PPARGC1B: variants seen among roughly 807,000 people sequenced by gnomAD.
PPARGC1B encodes PPARG coactivator 1 beta.
In PPARGC1B, 34 loss-of-function variants were observed where a neutral mutation model predicts 101.6. That is an observed-to-expected ratio of 0.33 (90% confidence interval 0.25 to 0.45). PPARGC1B has a LOEUF of 0.45. Ranked by LOEUF, PPARGC1B falls within the 20% of genes least tolerant of loss-of-function variation. The pLI is 1.00. For missense variants in PPARGC1B, 1,234 were observed against 1,317.6 expected (o/e 0.94, Z 0.98); for synonymous variants, 548 against 539.3 (o/e 1.02, Z -0.22).
In PPARGC1B at chr5:149,849,050, A is replaced by G. The variant is rs1318294147; in HGVS notation, c.*1492A>G. The G allele has an allele frequency of 6.6e-6, 1 of 151,980 alleles. No individual in the cohort carries two copies. Among genetic ancestry groups the G allele is most frequent in the East Asian group, 1.9e-4 (1 of 5,184 alleles). 9.4% of individuals were successfully genotyped at this position (151,980 alleles called of 1,614,324 possible). ...GCATGGCCAGGCAGGGTATGAGTACATTGTTTCTGATTTCTTTCATACATC... is the reference window on the plus strand; with the variant it reads ...GCATGGCCAGGCAGGGTATGAGTACGTTGTTTCTGATTTCTTTCATACATC... On this transcript the variant is annotated 3_prime_UTR_variant, in exon 12 of 12. Transcript: ENST00000309241.
Position 149,836,411 on chromosome 5 carries a change from C to T in PPARGC1B, c.1956C>T (p.His652=). 6.2e-7 allele frequency: 1 copy of T among 1,614,178 alleles called. No individual in the cohort carries two copies. Among genetic ancestry groups the T allele is most frequent in the Non-Finnish European group, 8.5e-7 (1 of 1,180,034 alleles). ...TCAAGGCCACCCCAGGGGCTGCCCA[C>T]AAGCTGCCAAAGAAGCACCCAGAGC... ...LSLKATPGAA[H]KLPKKHPERS... Residue 652 remains histidine, a synonymous_variant, in exon 8 of 12, where the codon CAC becomes CAT. Transcript: ENST00000309241.
Position 149,840,038 on chromosome 5 carries a change from C to A in PPARGC1B, c.2619-3C>A. ...TGCCTCTGCTTTGCTTGTTCACTGA[C>A]AGATGTGAGAGCAGAGGGCCGTGTT... On this transcript the variant is annotated splice_polypyrimidine_tract_variant and splice_region_variant and intron_variant, in intron 8 of 11. Transcript: ENST00000309241. 6.2e-7 allele frequency: 1 copy of A among 1,614,114 alleles called. No individual in the cohort carries two copies. The highest frequency in any genetic ancestry group is 8.5e-7 in the Non-Finnish European group (1 of 1,180,000).
In PPARGC1B at chr5:149,833,240, C is replaced by T; in HGVS notation, c.1167C>T (p.Ser389=). The change falls in exon 5 of 12, where the codon TCC becomes TCT. Residue 389 remains serine (S), a synonymous_variant. Transcript: ENST00000309241. This position sits in a 1 kb window ranked among gnomAD's most constrained non-coding sequence, Gnocchi z 4.1. ...KDSQASPGRP[S]SVEEVRIAAS... is the part of the protein sequence containing the mutation. ...GTCAGGCCTCCCCTGGTCGCCCGTC[C>T]TCGGTGGAGGAGGTAAGGATCGCAG... The T allele has an allele frequency of 6.2e-7, 1 of 1,613,372 alleles. No individual in the cohort carries two copies. Among genetic ancestry groups the T allele is most frequent in the South Asian group, 1.1e-5 (1 of 91,076 alleles).
At chr5:149,844,207 A>G (rs1206808296) in intron 10 of PPARGC1B, among the ~76,000 whole-genome samples, 3 of 152,244 alleles carry the variant, frequency 2.0e-5, no homozygotes, top group Admixed American at 1.3e-4. Flanking sequence ...AGTTCTGTGC[A>G]GTTTTCAAGC....
At chr5:149,747,676 T>C (rs1487830913) in intron 1 of PPARGC1B, among the ~76,000 whole-genome samples, 1 of 152,226 alleles carries the variant, frequency 6.6e-6, no homozygotes, top group Non-Finnish European at 1.5e-5. Context: ...GCCTCCAGCC[T>C]ACTCCAGCAC....
chr5:149,751,503 C>T (rs1410406232), intron 1 of PPARGC1B, among the ~76,000 whole-genome samples: 1 of 152,164 alleles, frequency 6.6e-6, no homozygotes, highest in East Asian at 1.9e-4. Context: ...GTCAGGAGTT[C>T]AAGACCAGCC....
rs2113419142 is a variant in PPARGC1B, at chr5:149,836,800, C to T, written c.2345C>T (p.Ser782Phe). Residue 782 changes from serine (S) to phenylalanine (F), a missense_variant, in exon 8 of 12, where the codon TCC (serine) becomes TTC (phenylalanine). Coordinates refer to ENST00000309241, the MANE Select transcript of PPARGC1B (RefSeq NM_133263.4). ...GCCCTGGAGGAGGAAGACCTGGCCTCCTGCAAGAGCCCTGAGTATGACACT... is the reference window on the plus strand; with the variant it reads ...GCCCTGGAGGAGGAAGACCTGGCCTTCTGCAAGAGCCCTGAGTATGACACT... ...ETALEEEDLA[S>F]CKSPEYDTVF... The T allele has an allele frequency of 1.2e-6, 2 of 1,613,590 alleles. No individual in the cohort carries two copies. The highest frequency in any genetic ancestry group is 1.6e-4 in the Middle Eastern group (1 of 6,062).
At chr5:149,838,175 TACA>T (rs1759186040) in intron 8 of PPARGC1B, among the ~76,000 whole-genome samples, 1 of 152,246 alleles carries the variant, frequency 6.6e-6, no homozygotes, top group South Asian at 2.1e-4. Context: ...TTTATACATC[TACA>T]ACAAGTGTTC....
chr5:149,791,463 A>G (rs996804851), intron 1 of PPARGC1B, among the ~76,000 whole-genome samples: 2 of 151,962 alleles, frequency 1.3e-5, no homozygotes, highest in African/African-American at 4.8e-5. Flanking sequence ...TCTAGAGATA[A>G]GTCTCTGCTT....
chr5:149,735,921 C>T (rs763711260), intron 1 of PPARGC1B, among the ~76,000 whole-genome samples: 1 of 152,190 alleles, frequency 6.6e-6, no homozygotes, highest in Non-Finnish European at 1.5e-5. Context: ...GCCAGGAGTT[C>T]GAGATCAGCC....
At position 149,853,325 on chromosome 5, in the gene PPARGC1B, G is replaced by T. The variant is rs1476347033; in HGVS notation, c.*5767G>T. 1 of 152,236 alleles carries T rather than the reference G, an allele frequency of 6.6e-6. No individual in the cohort carries two copies. Among genetic ancestry groups the T allele is most frequent in the East Asian group, 1.9e-4 (1 of 5,202 alleles). The allele number at this position is 152,236 out of a possible 1,614,324, so 9.4% of individuals were successfully genotyped here. On this transcript the variant is annotated 3_prime_UTR_variant, in exon 12 of 12. Transcript: ENST00000309241. This position sits in a 1 kb window ranked among gnomAD's most constrained non-coding sequence, Gnocchi z 4.2. ...ATAATGGCCTGAACGAACTGCCTTTGTGTTCAGAGATCAGTGCAACACTAG... is the reference window on the plus strand; with the variant it reads ...ATAATGGCCTGAACGAACTGCCTTTTTGTTCAGAGATCAGTGCAACACTAG...
At position 149,824,722 on chromosome 5, in the gene PPARGC1B, G is replaced by A. The variant is rs73796286; in HGVS notation, c.253-1951G>A. 9.2e-3 allele frequency among the ~76,000 whole-genome samples: 1,400 copies of A among 152,292 alleles called. 24 individuals are homozygous for A. Among genetic ancestry groups the A allele is most frequent in the African/African-American group, 0.032 (1,338 of 41,552 alleles). The stretch of plus-strand genomic sequence containing the variant: ...GAGGGTTGAAGGAGACTTGTGGGTA[G>A]GGGGTGGGGGCAGCCAATGAGCCCG... On this transcript the variant is annotated intron_variant, in intron 2 of 11. Transcript: ENST00000309241.
chr5:149,745,239 G>A (rs1372400495), intron 1 of PPARGC1B, among the ~76,000 whole-genome samples: 1 of 152,180 alleles, frequency 6.6e-6, no homozygotes, highest in Non-Finnish European at 1.5e-5. Context: ...TAAGGAGTTA[G>A]ATAGCTGCTC....
At chr5:149,763,465 G>A (rs1243429473) in intron 1 of PPARGC1B, among the ~76,000 whole-genome samples, 1 of 151,280 alleles carries the variant, frequency 6.6e-6, no homozygotes, top group Non-Finnish European at 1.5e-5. Context: ...AGTGGAATGT[G>A]TAGGTCCTGA....
At chr5:149,788,827 C>T (rs1307714638) in intron 1 of PPARGC1B, among the ~76,000 whole-genome samples, 2 of 152,068 alleles carry the variant, frequency 1.3e-5, no homozygotes, top group Non-Finnish European at 2.9e-5. Context: ...ATCGCAAGGA[C>T]AGAAAACCAA....
chr5:149,800,404 G>A (rs554338193), intron 1 of PPARGC1B, among the ~76,000 whole-genome samples: 5 of 152,316 alleles, frequency 3.3e-5, no homozygotes, highest in African/African-American at 9.6e-5. Flanking sequence ...ACTACAGTGC[G>A]TATGGGGAGC....
At chr5:149,816,587 A>G (rs1201980802) in intron 1 of PPARGC1B, among the ~76,000 whole-genome samples, 1 of 152,204 alleles carries the variant, frequency 6.6e-6, no homozygotes, top group Admixed American at 6.5e-5. Flanking sequence ...ACCATGACTT[A>G]CCTGGACAAC....
At position 149,798,864 on chromosome 5, in the gene PPARGC1B, T is replaced by G. The variant is rs538372227; in HGVS notation, c.79-21569T>G. On this transcript the variant is annotated intron_variant, in intron 1 of 11. Coordinates refer to ENST00000309241, the MANE Select transcript of PPARGC1B (RefSeq NM_133263.4). The stretch of plus-strand genomic sequence containing the variant: ...TATAAACAAGATGTCCATAATGTGC[T>G]TGGCACAAAAGAGAGGCTCAGCAAA... Among the ~76,000 whole-genome samples, 18 of 152,298 alleles carry G rather than the reference T, an allele frequency of 1.2e-4. No individual in the cohort carries two copies. In the South Asian group the frequency reaches 3.5e-3, roughly 30 times the overall value.
intron 1 of PPARGC1B, among the ~76,000 whole-genome samples, chr5:149,789,306 A>G (rs551732849): frequency 6.6e-6 from 1 of 152,166 alleles, no homozygotes; most frequent in South Asian, 2.1e-4. Flanking sequence ...AAGAAAGACA[A>G]ATGCAAGATG....
Sources: allele counts gnomAD v4.1 joint callset (sites outside exome capture counted in the v4.1 genomes callset), GRCh38; gene constraint gnomAD v4.1.1; non-coding constraint Gnocchi (gnomAD v3.1); transcripts MANE v1.5; gene names NCBI Gene and HGNC (gene_info 2026-07-23, HGNC 2026-07-21).